ALAS1: variants seen among roughly 807,000 people sequenced by gnomAD.
The protein encoded by ALAS1 is 5'-aminolevulinate synthase 1.
A neutral mutation model predicts 59.6 loss-of-function variants in ALAS1; 29 were observed. The ratio of observed to expected loss-of-function variants is 0.49; its 90% CI spans 0.36 to 0.66. ALAS1 has a LOEUF of 0.66. Ranked by LOEUF, ALAS1 falls within the 30% of genes least tolerant of loss-of-function variation. The probability of loss-of-function intolerance (pLI) is 0.00; values close to 1 mark genes in which losing one functional copy is unlikely to be tolerated. For missense variants in ALAS1, 690 were observed against 807.5 expected, an observed-to-expected ratio of 0.85 and a Z score of 1.76; for synonymous variants, 299 against 296.6, an observed-to-expected ratio of 1.01 and a Z score of -0.08.
At chr3:52,199,491 G>A (rs1331590449) in intron 3 of ALAS1, 51 bp downstream of exon 3, 2 of 1,560,324 alleles carry the variant, frequency 1.3e-6, no homozygotes, top group Admixed American at 3.4e-5. Context: ...GTGCTCATTG[G>A]TAGACTAGAA....
intron 2 of ALAS1, 45 bp downstream of exon 2, chr3:52,198,893 C>T (rs1559870291): frequency 1.3e-6 from 2 of 1,530,324 alleles, no homozygotes; most frequent in Non-Finnish European, 1.8e-6. Context: ...CCCTAAGAAA[C>T]CTCTGGCCTC....
rs773796345 is a variant in ALAS1 at position 52,211,342 on chromosome 3, G to C, written c.1390G>C (p.Val464Leu). 1 of 1,614,042 alleles carries C rather than the reference G, an allele frequency of 6.2e-7. No homozygotes were observed. The highest frequency in any genetic ancestry group is 8.5e-7 in the Non-Finnish European group (1 of 1,180,048). Residue 464 changes from valine to leucine, a missense_variant, in exon 10 of 12, where the codon GTA becomes CTA. Val to Leu is a conservative substitution (Grantham distance 32). Transcript: ENST00000484952. ...IASTSSLIDT[V>L]RSYAAGFIFT... ...CAGCACGAGTTCTCTGATTGACACCGTACGGTCCTATGCTGCTGGCTTCAT... is the reference window on the plus strand; with the variant it reads ...CAGCACGAGTTCTCTGATTGACACCCTACGGTCCTATGCTGCTGGCTTCAT...
In ALAS1 at chr3:52,211,506, C is replaced by T. The variant is rs140581739; in HGVS notation, c.1554C>T (p.Ala518=). ...VKLMRQMLMD[A]GLPVVHCPSH... is the part of the protein sequence containing the mutation. The stretch of plus-strand genomic sequence containing the variant: ...TCATGAGACAGATGCTAATGGATGC[C>T]GGCCTCCCTGTTGTCCACTGCCCCA... The change falls in exon 10 of 12, where the codon GCC becomes GCT. Residue 518 remains alanine (A), a synonymous_variant. Coordinates refer to ENST00000484952, the MANE Select transcript of ALAS1 (RefSeq NM_000688.6). 6.3e-4 allele frequency: 1,020 copies of T among 1,614,228 alleles called. 5 individuals carry two copies. In the African/African-American group the frequency reaches 0.01, roughly 16 times the overall value.
chr3:52,212,447 C>A, intron 11 of ALAS1, 27 bp downstream of exon 11: 1 of 1,613,416 alleles, frequency 6.2e-7, no homozygotes, highest in Non-Finnish European at 8.5e-7. Context: ...CTGCTGGTGC[C>A]TCACTGAGGA....
intron 4 of ALAS1, among the ~76,000 whole-genome samples, chr3:52,203,379 A>G (rs1249052138): frequency 6.6e-6 from 1 of 152,202 alleles, no homozygotes; most frequent in African/African-American, 2.4e-5. Context: ...CATCCCTACC[A>G]AAAATACAAA....
chr3:52,205,620 T>C (rs765655373), intron 6 of ALAS1, among the ~76,000 whole-genome samples: 20 of 152,322 alleles, frequency 1.3e-4, no homozygotes, highest in East Asian at 3.9e-4. Context: ...GAACACTTGT[T>C]CTTGATGATT....
rs752454707 is a variant in ALAS1 at position 52,198,782 on chromosome 3, G to A, written c.-99G>A. On this transcript the variant is annotated 5_prime_UTR_variant, in exon 2 of 12. Transcript: ENST00000484952. ...CGGGTTTAGGGGATGTGGGGACCAGGAGAAAGTCAGGATCCCTAAGAGTCT... is the reference window on the plus strand; with the variant it reads ...CGGGTTTAGGGGATGTGGGGACCAGAAGAAAGTCAGGATCCCTAAGAGTCT... 2.1e-5 allele frequency: 32 copies of A among 1,535,362 alleles called. No homozygotes were observed. The highest frequency in any genetic ancestry group is 2.6e-5 in the Non-Finnish European group (30 of 1,146,704).
Position 52,205,924 on chromosome 3 carries a change from G to A in ALAS1, c.886G>A (p.Glu296Lys). ...TSKFHVDLER[E>K]LADLHGKDAA... ...TAAATTCCATGTGGACTTAGAGCGG[G>A]AGCTGGCAGACCTCCATGGGAAAGA... Residue 296 changes from glutamate to lysine, a missense_variant, in exon 7 of 12, where the codon GAG (glutamate) becomes AAG (lysine). By Grantham distance (56) the Glu-to-Lys change is moderately conservative. Coordinates refer to ENST00000484952, the MANE Select transcript of ALAS1 (RefSeq NM_000688.6). 1.2e-6 allele frequency: 2 copies of A among 1,614,188 alleles called. No homozygotes were observed. Among genetic ancestry groups the A allele is most frequent in the Non-Finnish European group, 1.7e-6 (2 of 1,180,024 alleles).
At chr3:52,212,546 T>C in intron 11 of ALAS1, 126 bp downstream of exon 11, 3 of 1,317,440 alleles carry the variant, frequency 2.3e-6, no homozygotes, top group Non-Finnish European at 3.2e-6. Flanking sequence ...AGTTTTTTTT[T>C]TGAGACAAGA....
In ALAS1 at chr3:52,198,175, A is replaced by T. The variant is rs529309778; in HGVS notation, c.-290A>T. 5.0e-6 allele frequency: 2 copies of T among 398,560 alleles called. No homozygotes were observed. The highest frequency in any genetic ancestry group is 3.6e-5 in the East Asian group (1 of 28,062). The allele number at this position is 398,560 out of a possible 1,614,324, so 24.7% of individuals were successfully genotyped here. ...TCGCGGCCTGAGGCTGCTCCCGGACAAGGGCAACGAGCGTTTCGTTTGGAC... is the reference window on the plus strand; with the variant it reads ...TCGCGGCCTGAGGCTGCTCCCGGACTAGGGCAACGAGCGTTTCGTTTGGAC... On this transcript the variant is annotated 5_prime_UTR_variant, in exon 1 of 12. Transcript: ENST00000484952.
At position 52,214,077 on chromosome 3, in the gene ALAS1, C is replaced by T; in HGVS notation, c.1820C>T (p.Ala607Val). 3 of 1,613,874 alleles carry T rather than the reference C, an allele frequency of 1.9e-6. No homozygotes were observed. Among genetic ancestry groups the T allele is most frequent in the Non-Finnish European group, 2.5e-6 (3 of 1,179,750 alleles). The change falls in exon 12 of 12, where the codon GCT (alanine) becomes GTT (valine). Residue 607 changes from alanine (A) to valine (V), a missense_variant. Ala to Val is a moderately conservative substitution (Grantham distance 64). Transcript: ENST00000484952. ...CTGGAACTGAAGCCTCATTCCTCAG[C>T]TGAGTGCAACTTCTGCAGGAGGCCA... ...VGLELKPHSS[A>V]ECNFCRRPLH... is the part of the protein sequence containing the mutation.
At chr3:52,200,274 T>C (rs1699161405) in intron 3 of ALAS1, among the ~76,000 whole-genome samples, 1 of 152,180 alleles carries the variant, frequency 6.6e-6, no homozygotes, top group East Asian at 1.9e-4. Flanking sequence ...TCTCCAGAAC[T>C]TTTTTCATCT....
Position 52,202,412 on chromosome 3 carries a change from T to C in ALAS1, c.200-95T>C, listed in dbSNP as rs1220285745. On this transcript the variant is annotated intron_variant, in intron 3 of 11. Coordinates refer to ENST00000484952, the MANE Select transcript of ALAS1 (RefSeq NM_000688.6). Reference sequence around the variant, plus strand: ...ATGGTGGGGTACAGTAAGTATTAAGTTTATCTTTGAGGCAATAAAAGAAAG... The same window carrying C: ...ATGGTGGGGTACAGTAAGTATTAAGCTTATCTTTGAGGCAATAAAAGAAAG... 53 of 1,015,222 alleles carry C rather than the reference T, an allele frequency of 5.2e-5. No homozygotes were observed. In the Admixed American group the frequency reaches 1.0e-3, roughly 20 times the overall value. 62.9% of individuals were successfully genotyped at this position (1,015,222 alleles called of 1,614,324 possible).
Position 52,214,118 on chromosome 3 carries a change from A to G in ALAS1, c.1861A>G (p.Met621Val). The G allele has an allele frequency of 6.2e-7, 1 of 1,613,970 alleles. No homozygotes were observed. The change falls in exon 12 of 12, where the codon ATG (methionine) becomes GTG (valine). Residue 621 changes from methionine (M) to valine (V), a missense_variant. Transcript: ENST00000484952. ...CAGGAGGCCACTGCATTTTGAAGTG[A>G]TGAGTGAAAGAGAGAAGTCCTATTT... ...FCRRPLHFEV[M>V]SEREKSYFSG...
chr3:52,213,959 AT>A (rs1376265039), intron 11 of ALAS1, 60 bp from the exon 12 acceptor site: 8 of 1,472,530 alleles, frequency 5.4e-6, no homozygotes, highest in Non-Finnish European at 7.4e-6. Context: ...GTGTGGACAT[AT>A]GTTTTCATTT....
chr3:52,203,266 C>T (rs1699225350), intron 4 of ALAS1, among the ~76,000 whole-genome samples: 1 of 152,148 alleles, frequency 6.6e-6, no homozygotes, highest in Admixed American at 6.5e-5. Flanking sequence ...TAGGACCAGG[C>T]CCAGTGGCTC....
upstream of ALAS1, chr3:52,198,103 G>C (rs561824801): frequency 2.5e-6 from 1 of 397,984 alleles, no homozygotes; most frequent in Non-Finnish European, 4.4e-6. Context: ...CAGCGCCCAA[G>C]GCGCATGCGC....
At chr3:52,203,222 G>A (rs1435376036) in intron 4 of ALAS1, among the ~76,000 whole-genome samples, 1 of 152,092 alleles carries the variant, frequency 6.6e-6, no homozygotes, top group Non-Finnish European at 1.5e-5. Flanking sequence ...TTATGCATAT[G>A]GCCAAAATTG....
intron 3 of ALAS1, among the ~76,000 whole-genome samples, chr3:52,200,095 C>T (rs759644868): frequency 3.3e-5 from 5 of 152,176 alleles, no homozygotes; most frequent in Non-Finnish European, 7.4e-5. Context: ...GGATTGCAGG[C>T]GTGAGCCACC....
Sources: gnomAD v4.1 joint callset for allele counts (sites outside exome capture counted in the v4.1 genomes callset) on GRCh38, gnomAD v4.1.1 for gene constraint, MANE v1.5 for transcripts, NCBI Gene and HGNC (gene_info 2026-07-23, HGNC 2026-07-21) for gene names.